TRPM4: variants seen among roughly 807,000 people sequenced by gnomAD.
The protein encoded by TRPM4 is calcium-activated non-selective cation channel 1.
In TRPM4, 124 loss-of-function variants were observed where a neutral mutation model predicts 135.6. That is an observed-to-expected ratio of 0.91 (90% CI 0.79 to 1.06). TRPM4 has a LOEUF of 1.06. Among genes scored for constraint, TRPM4 ranks in the 50% least tolerant of loss-of-function variants. TRPM4 has a pLI of 0.00. For synonymous variants in TRPM4, 745 were observed against 705.6 expected (o/e 1.06, Z -0.88); for missense variants, 1,658 against 1,671.4 (o/e 0.99, Z 0.14).
intron 12 of TRPM4, among the ~76,000 whole-genome samples, chr19:49,187,978 C>T (rs1968261168): frequency 6.6e-6 from 1 of 152,174 alleles, no homozygotes; most frequent in Admixed American, 6.5e-5. Context: ...AAGCACTCAT[C>T]TTAGGTGTTA....
chr19:49,168,530 T>C, intron 5 of TRPM4, 23 bp from the exon 6 acceptor site: 1 of 1,613,762 alleles, frequency 6.2e-7, no homozygotes. Flanking sequence ...GGAGACGCCC[T>C]GGTCTGGCCA....
At chr19:49,163,569 G>A (rs1166438745) in intron 2 of TRPM4, among the ~76,000 whole-genome samples, 2 of 151,416 alleles carry the variant, frequency 1.3e-5, no homozygotes, top group Non-Finnish European at 2.9e-5. Flanking sequence ...ATGGCTTATT[G>A]CAGCCTTGAA....
intron 6 of TRPM4, among the ~76,000 whole-genome samples, chr19:49,169,120 A>G (rs1442501033): frequency 1.3e-5 from 2 of 150,140 alleles, no homozygotes; most frequent in Non-Finnish European, 3.0e-5. Flanking sequence ...GAACTGCTTG[A>G]ACCCGGGAGG....
intron 17 of TRPM4, among the ~76,000 whole-genome samples, chr19:49,198,786 A>G (rs1056510147): frequency 1.3e-5 from 2 of 151,898 alleles, no homozygotes; most frequent in Admixed American, 6.6e-5. Context: ...TTAAATAGAG[A>G]CAGGGTCTCA....
chr19:49,180,912 A>C (rs1354822510), intron 9 of TRPM4, among the ~76,000 whole-genome samples: 1 of 151,536 alleles, frequency 6.6e-6, no homozygotes, highest in Non-Finnish European at 1.5e-5. Flanking sequence ...CCATCCTTCT[A>C]TCTGTCCATC....
At position 49,190,271 on chromosome 19, in the gene TRPM4, C is replaced by T; in HGVS notation, c.2083C>T (p.Leu695Phe). The change falls in exon 15 of 25, where the codon CTC becomes TTC. Residue 695 changes from leucine (L) to phenylalanine (F), a missense_variant. Transcript: ENST00000252826. ...CACTACACCCATCTGGGCCCTGGTTCTCGCCTTCTTTTGCCCTCCACTCAT... is the reference window on the plus strand; with the variant it reads ...CACTACACCCATCTGGGCCCTGGTTTTCGCCTTCTTTTGCCCTCCACTCAT... ...ASTTPIWALV[L>F]AFFCPPLIYT... The T allele has an allele frequency of 1.2e-6, 2 of 1,613,714 alleles. No individual in the cohort carries two copies. Among genetic ancestry groups the T allele is most frequent in the Non-Finnish European group, 1.7e-6 (2 of 1,179,890 alleles).
intron 2 of TRPM4, among the ~76,000 whole-genome samples, chr19:49,160,844 G>A (rs552960777): frequency 8.5e-5 from 13 of 152,050 alleles, no homozygotes; most frequent in Non-Finnish European, 1.5e-4. Flanking sequence ...CAGGGCTTTC[G>A]GGACACAGAG....
Position 49,211,005 on chromosome 19 carries a change from C to A in TRPM4, c.3462-10C>A, listed in dbSNP as rs749686018. 1.2e-6 allele frequency: 2 copies of A among 1,613,736 alleles called. No homozygotes were observed. The highest frequency in any genetic ancestry group is 1.7e-5 in the Admixed American group (1 of 59,998). On this transcript the variant is annotated splice_polypyrimidine_tract_variant and intron_variant, in intron 22 of 24. Coordinates refer to ENST00000252826, the MANE Select transcript of TRPM4 (RefSeq NM_017636.4). The surrounding 1 kb of genome is among the most constrained non-coding windows in gnomAD (Gnocchi z 4.8). ...GCGGGTGCCCCCGGTAAGAGGCCCT[C>A]CCTTCTCAGGGTGGACTTGGCACTG...
At position 49,202,048 on chromosome 19, in the gene TRPM4, C is replaced by T; in HGVS notation, c.3038C>T (p.Ser1013Phe). ...PPGAQAGTCV[S>F]QYANWLVVLL... ...GGGGCCCAGGCGGGCACCTGCGTCT[C>T]CCAGTATGCCAACTGGCTGGTGGTG... Residue 1013 changes from serine (S) to phenylalanine (F), a missense_variant, in exon 20 of 25, where the codon TCC becomes TTC. Transcript: ENST00000252826. The T allele has an allele frequency of 1.9e-6, 3 of 1,614,050 alleles. No homozygotes were observed. The highest frequency in any genetic ancestry group is 2.5e-6 in the Non-Finnish European group (3 of 1,180,028).
In TRPM4 at chr19:49,171,317, T is replaced by C; in HGVS notation, c.797-40T>C. 1 of 1,612,146 alleles carries C rather than the reference T, an allele frequency of 6.2e-7. No individual in the cohort carries two copies. The highest frequency in any genetic ancestry group is 8.5e-7 in the Non-Finnish European group (1 of 1,178,188). On this transcript the variant is annotated intron_variant, in intron 6 of 24. Coordinates refer to ENST00000252826, the MANE Select transcript of TRPM4 (RefSeq NM_017636.4). The surrounding 1 kb of genome is among the most constrained non-coding windows in gnomAD (Gnocchi z 4.7). Reference sequence around the variant, plus strand: ...GTTTTCTCCTATCTCCAGCAAAGGCTGATGGGAGGTAATCAAGCCCCCTTC... The same window carrying C: ...GTTTTCTCCTATCTCCAGCAAAGGCCGATGGGAGGTAATCAAGCCCCCTTC...
rs767067324 is a variant in TRPM4, at chr19:49,182,791, G to C, written c.1477G>C (p.Gly493Arg). The C allele has an allele frequency of 6.3e-6, 10 of 1,577,566 alleles. No homozygotes were observed. Among genetic ancestry groups the C allele is most frequent in the Non-Finnish European group, 4.4e-6 (5 of 1,148,756 alleles). Residue 493 changes from glycine (G) to arginine (R), a missense_variant, in exon 11 of 25, where the codon GGG (glycine) becomes CGG (arginine). By Grantham distance (125) the Gly-to-Arg change is moderately radical (BLOSUM62 -2). Around this residue, in one of 3 missense-constraint regions of TRPM4, gnomAD observed 1,412 missense variants for 1,408.7 expected, o/e 1.00. Transcript: ENST00000252826. ...AGGCACCAAAGCCCCAGCCCTAAAA[G>C]GGGGAGCTGCGGAGCTCCGGCCCCC... is the stretch of plus-strand genomic sequence containing the variant. ...SAGTKAPALKGGAAELRPPDV... is the reference protein window; with the variant it reads ...SAGTKAPALKRGAAELRPPDV...
In TRPM4 at chr19:49,172,108, G is replaced by A; in HGVS notation, c.1150G>A (p.Ala384Thr). The A allele has an allele frequency of 6.2e-7, 1 of 1,611,124 alleles. No individual in the cohort carries two copies. Residue 384 changes from alanine (A) to threonine (T), a missense_variant and splice_region_variant, in exon 9 of 25, where the codon GCC (alanine) becomes ACC (threonine). Transcript: ENST00000252826. ...CATAGTTTTGAAGGCCCTTGTGAAG[G>A]GTAAAAGTTGTACCCTCCAGTCTTC... ...ETIVLKALVK[A>T]CGSSEASAYL...
chr19:49,192,681 C>T, intron 16 of TRPM4, among the ~76,000 whole-genome samples: 1 of 151,958 alleles, frequency 6.6e-6, no homozygotes. Context: ...TATTGGAGGA[C>T]AGAGGGTAGG....
rs144181262 is a variant in TRPM4 at position 49,188,381 on chromosome 19, A to G, written c.1744-260A>G. On this transcript the variant is annotated intron_variant, in intron 12 of 24. Transcript: ENST00000252826. ...TTACCCAGCCTCCAACTGCTTCTTGACCTGTCTGTGACTGCTGAATTGATT... is the reference window on the plus strand; with the variant it reads ...TTACCCAGCCTCCAACTGCTTCTTGGCCTGTCTGTGACTGCTGAATTGATT... 4.2e-3 allele frequency among the ~76,000 whole-genome samples: 637 copies of G among 152,228 alleles called. 2 individuals carry two copies. Among genetic ancestry groups the G allele is most frequent in the Middle Eastern group, 0.017 (5 of 294 alleles).
At chr19:49,167,866 C>T (rs1284898901) in intron 3 of TRPM4, 51 bp from the exon 4 acceptor site, 1 of 1,556,256 alleles carries the variant, frequency 6.4e-7, no homozygotes, top group Admixed American at 1.7e-5. Context: ...GTCCCCGTCT[C>T]TCTGGGTCTC....
chr19:49,210,071 C>G lies in TRPM4; in HGVS notation c.3132-138C>G, dbSNP rs1600542178. The G allele has an allele frequency of 8.1e-6, 8 of 986,102 alleles. No homozygotes were observed. In the South Asian group the frequency reaches 1.1e-4, roughly 13 times the overall value. 61.1% of individuals were successfully genotyped at this position (986,102 alleles called of 1,614,324 possible). On this transcript the variant is annotated intron_variant, in intron 20 of 24. Coordinates refer to ENST00000252826, the MANE Select transcript of TRPM4 (RefSeq NM_017636.4). This position sits in a 1 kb window ranked among gnomAD's most constrained non-coding sequence, Gnocchi z 4.1. ...GCTCTAACCTGACTTCTAATCGCAT[C>G]CTGTAACCTCTGACTTTAGTGATCT...
In TRPM4 at chr19:49,197,328, C is replaced by A. The variant is rs990394797; in HGVS notation, c.2645+454C>A. On this transcript the variant is annotated intron_variant, in intron 17 of 24. Coordinates refer to ENST00000252826, the MANE Select transcript of TRPM4 (RefSeq NM_017636.4). ...TTTCTTTTTCTTTCTTTCTTTCTTT[C>A]TTTCTTTCTTTCTTTCTTTCTTTCT... Among the ~76,000 whole-genome samples the A allele has an allele frequency of 4.0e-4, 47 of 118,930 alleles. 1 individual carries two copies. The East Asian group carries it at 9.6e-3, about 24-fold the overall frequency. 78.0% of individuals were successfully genotyped at this position (118,930 alleles called of 152,430 possible). A position where few individuals can be genotyped will look rare whatever the true frequency, so the allele number is the denominator to read the frequency against.
chr19:49,163,198 ATTT>A (rs71179098), intron 2 of TRPM4, among the ~76,000 whole-genome samples: 65,158 of 145,070 alleles, frequency 0.45, 15,810 homozygotes, highest in Non-Finnish European at 0.55. Context: ...TATTATTATT[ATTT>A]TTTTTTTTTT....
chr19:49,158,095 G>A, intron 1 of TRPM4, 97 bp from the exon 2 acceptor site: 1 of 1,373,514 alleles, frequency 7.3e-7, no homozygotes, highest in Middle Eastern at 1.8e-4. Context: ...TCCTGTGTCC[G>A]TGGGGAGCGC....
Sources: allele counts gnomAD v4.1 joint callset (sites outside exome capture counted in the v4.1 genomes callset), GRCh38; gene constraint gnomAD v4.1.1; regional missense constraint gnomAD v4.1.1; non-coding constraint Gnocchi (gnomAD v3.1); transcripts MANE v1.5; gene names NCBI Gene and HGNC (gene_info 2026-07-23, HGNC 2026-07-21).